SRGAP3: variants seen among roughly 807,000 people sequenced by gnomAD.
SRGAP3 encodes SLIT-ROBO Rho GTPase activating protein 3.
Under a neutral mutation model 121.1 loss-of-function variants are expected in SRGAP3, and 39 were observed. That is an observed-to-expected ratio of 0.32 (90% CI 0.25 to 0.42). The LOEUF is 0.42. Ranked by LOEUF, SRGAP3 falls within the 10% of genes least tolerant of loss-of-function variation. The pLI is 1.00. For synonymous variants in SRGAP3, 601 were observed against 570.0 expected (o/e 1.05, Z -0.77); for missense variants, 1,213 against 1,470.6 (o/e 0.82, Z 2.86).
At chr3:8,997,258 GTCTA>G (rs1942460418) in intron 18 of SRGAP3, among the ~76,000 whole-genome samples, 1 of 152,150 alleles carries the variant, frequency 6.6e-6, no homozygotes, top group Non-Finnish European at 1.5e-5. Flanking sequence ...CAGAACTGCT[GTCTA>G]CCTGCTCACC....
chr3:9,311,424 A>G (rs1955244446), intron 3 of SRGAP3, among the ~76,000 whole-genome samples: 1 of 152,364 alleles, frequency 6.6e-6, no homozygotes, highest in Non-Finnish European at 1.5e-5. Context: ...ACTGTAAAAT[A>G]GAGGTCAGCC....
intron 18 of SRGAP3, among the ~76,000 whole-genome samples, 200 bp downstream of exon 18, chr3:9,010,108 A>T (rs1943287890): frequency 6.6e-6 from 1 of 152,196 alleles, no homozygotes; most frequent in Non-Finnish European, 1.5e-5. Flanking sequence ...GCCTATGAGG[A>T]TCTGCTCTGT....
chr3:9,133,171 A>C lies in SRGAP3; in HGVS notation c.68-8254T>G, dbSNP rs1256181363. Among the ~76,000 whole-genome samples, 4 of 151,952 alleles carry C rather than the reference A, an allele frequency of 2.6e-5. No individual in the cohort carries two copies. The South Asian group carries it at 8.3e-4, about 32-fold the overall frequency. On this transcript the variant is annotated intron_variant, in intron 1 of 21. Transcript: ENST00000383836. ...TATCATTCACAGTGTTCTGTACCTT[A>C]TCTTTTTCTTTTAATAATACATCCT...
chr3:9,025,297 C>T lies in SRGAP3; in HGVS notation c.1642G>A (p.Val548Met). 1.2e-6 allele frequency: 2 copies of T among 1,614,188 alleles called. No homozygotes were observed. Among genetic ancestry groups the T allele is most frequent in the Non-Finnish European group, 1.7e-6 (2 of 1,180,044 alleles). Residue 548 changes from valine to methionine, a missense_variant, in exon 14 of 22, where the codon GTG (valine) becomes ATG (methionine). Physicochemically the swap from Val to Met is conservative, Grantham distance 21 (BLOSUM62 1). Around this residue, in one of 2 missense-constraint regions of SRGAP3, gnomAD observed 793 missense variants for 1,032.9 expected, o/e 0.77. Coordinates refer to ENST00000383836, the MANE Select transcript of SRGAP3 (RefSeq NM_014850.4). Reference protein sequence around the residue: ...QGIFRVPGSQVEVNDIKNSFE... With the variant: ...QGIFRVPGSQMEVNDIKNSFE... ...GAATTTTTGATGTCATTGACTTCCACCTGAGATCCTGGCACTCTGAAGATC... is the reference window on the plus strand; with the variant it reads ...GAATTTTTGATGTCATTGACTTCCATCTGAGATCCTGGCACTCTGAAGATC...
At chr3:9,300,775 A>G (rs1955041821) in intron 3 of SRGAP3, among the ~76,000 whole-genome samples, 1 of 152,222 alleles carries the variant, frequency 6.6e-6, no homozygotes, top group Admixed American at 6.5e-5. Context: ...GTGTTACTGG[A>G]AACCAGTGGG....
intron 1 of SRGAP3, among the ~76,000 whole-genome samples, chr3:9,156,755 C>A (rs1242661095): frequency 6.6e-6 from 1 of 152,138 alleles, no homozygotes; most frequent in African/African-American, 2.4e-5. Context: ...ACTGCACTGG[C>A]AGGGAAGCAA....
chr3:9,106,012 G>T (rs1433374463), intron 2 of SRGAP3, among the ~76,000 whole-genome samples: 1 of 152,160 alleles, frequency 6.6e-6, no homozygotes, highest in African/African-American at 2.4e-5. Context: ...GTGAAAAACA[G>T]AATGGTTTTA....
At chr3:9,339,115 T>C (rs1161762270) in intron 1 of SRGAP3, among the ~76,000 whole-genome samples, 2 of 152,232 alleles carry the variant, frequency 1.3e-5, no homozygotes, top group Non-Finnish European at 2.9e-5. Flanking sequence ...GTCCCATATT[T>C]GAATCCTGTC....
rs868425111 is a variant in SRGAP3, at chr3:8,993,010, C to T, written c.2454G>A (p.Glu818=). The change falls in exon 20 of 22, where the codon GAG becomes GAA. Residue 818 remains glutamate, a synonymous_variant. Transcript: ENST00000383836. ...SDSLSQKADS[E]ASSGPLLDDK... is the part of the protein sequence containing the mutation. ...CATCCAGCAATGGCCCACTGCTGGCCTCGCTGTCAGCCTTCTGGCTCAGGC... is the reference window on the plus strand; with the variant it reads ...CATCCAGCAATGGCCCACTGCTGGCTTCGCTGTCAGCCTTCTGGCTCAGGC... 2 of 1,614,234 alleles carry T rather than the reference C, an allele frequency of 1.2e-6. No individual in the cohort carries two copies. The highest frequency in any genetic ancestry group is 2.2e-5 in the South Asian group (2 of 91,088).
At chr3:9,128,372 T>C (rs1949318708) in intron 1 of SRGAP3, among the ~76,000 whole-genome samples, 1 of 152,238 alleles carries the variant, frequency 6.6e-6, no homozygotes, top group Non-Finnish European at 1.5e-5. Context: ...CATTTCAGCT[T>C]ACATAAGTAG....
At chr3:9,272,877 A>C (rs929448271) in intron 3 of SRGAP3, among the ~76,000 whole-genome samples, 23 of 152,084 alleles carry the variant, frequency 1.5e-4, no homozygotes, top group African/African-American at 5.1e-4. Context: ...CTAACAATAC[A>C]CAAGAGTTTC....
At chr3:9,133,148 T>A (rs1305199187) in intron 1 of SRGAP3, among the ~76,000 whole-genome samples, 3 of 151,960 alleles carry the variant, frequency 2.0e-5, no homozygotes, top group Non-Finnish European at 4.4e-5. Flanking sequence ...TTAGAGCATA[T>A]CATTCACAGT....
At chr3:9,081,951 G>T (rs1196135377) in intron 3 of SRGAP3, among the ~76,000 whole-genome samples, 1 of 152,168 alleles carries the variant, frequency 6.6e-6, no homozygotes, top group Non-Finnish European at 1.5e-5. Context: ...CATAAGGGTG[G>T]AGCCCTCAGG....
chr3:9,270,868 G>A lies in SRGAP3; in HGVS notation n.442+55142C>T, dbSNP rs867833459. Among the ~76,000 whole-genome samples, 12 of 151,880 alleles carry A rather than the reference G, an allele frequency of 7.9e-5. No homozygotes were observed. In the South Asian group the frequency reaches 8.3e-4, roughly 11 times the overall value. ...GGTACTGTTCTGTGCTGCCTTTCCC[G>A]GAAATGCCTTACCTCTGGTACCAAT... On this transcript the variant is annotated intron_variant and non_coding_transcript_variant, in intron 3 of 3. Coordinates refer to the SRGAP3 transcript ENST00000490889.
chr3:9,062,736 T>C (rs1291397837), intron 5 of SRGAP3, among the ~76,000 whole-genome samples: 1 of 152,240 alleles, frequency 6.6e-6, no homozygotes, highest in Non-Finnish European at 1.5e-5. Flanking sequence ...TAATATTCCA[T>C]CACATGGATA....
At chr3:9,119,646 T>C (rs1297491512) in intron 2 of SRGAP3, among the ~76,000 whole-genome samples, 1 of 152,178 alleles carries the variant, frequency 6.6e-6, no homozygotes, top group African/African-American at 2.4e-5. Flanking sequence ...CTTTGGCAAA[T>C]AGCATCTGGG....
At chr3:9,142,023 C>T (rs894059998) in intron 1 of SRGAP3, among the ~76,000 whole-genome samples, 2 of 152,246 alleles carry the variant, frequency 1.3e-5, no homozygotes, top group South Asian at 2.1e-4. Flanking sequence ...ATGCACATAC[C>T]CTCGATCCAG....
chr3:9,331,425 C>G (rs1955604760), intron 1 of SRGAP3, among the ~76,000 whole-genome samples: 3 of 152,126 alleles, frequency 2.0e-5, no homozygotes, highest in Admixed American at 1.3e-4. Context: ...TGCACAGAAC[C>G]AGCTACCCTC....
At chr3:9,358,525 C>CA in intron 1 of SRGAP3, among the ~76,000 whole-genome samples, 1 of 152,214 alleles carries the variant, frequency 6.6e-6, no homozygotes, top group Non-Finnish European at 1.5e-5. Flanking sequence ...CATCAGCCAG[C>CA]AGGCAAGCAA....
Sources: gnomAD v4.1 joint callset for allele counts (sites outside exome capture counted in the v4.1 genomes callset) on GRCh38, gnomAD v4.1.1 for gene constraint, gnomAD v4.1.1 regional missense constraint, MANE v1.5 for transcripts, NCBI Gene and HGNC (gene_info 2026-07-23, HGNC 2026-07-21) for gene names.